CSMD1: variants seen among roughly 807,000 people sequenced by gnomAD.
CSMD1 encodes CUB and sushi domain-containing protein 1.
CSMD1 carries 213 observed loss-of-function variants against 417.5 expected under a neutral mutation model. The ratio of observed to expected loss-of-function variants is 0.51; its 90% CI spans 0.46 to 0.57. The LOEUF (loss-of-function observed/expected upper bound fraction) is 0.57. CSMD1 is among the 20% of genes least tolerant of loss of function. The probability of loss-of-function intolerance (pLI) is 0.00; values close to 1 mark genes in which losing one functional copy is unlikely to be tolerated. For synonymous variants in CSMD1, 2,862 were observed against 1,736.8 expected (o/e 1.65, Z -16.11); for missense variants, 6,923 against 4,529.7 (o/e 1.53, Z -15.17).
chr8:4,990,883 GGA>G (rs1811428049), intron 1 of CSMD1, among the ~76,000 whole-genome samples: 1 of 152,126 alleles, frequency 6.6e-6, no homozygotes, highest in African/African-American at 2.4e-5. Context: ...CTCTCGCGGT[GGA>G]GTTACAGGGT....
At chr8:4,747,080 C>T (rs1811006664) in intron 1 of CSMD1, among the ~76,000 whole-genome samples, 1 of 152,152 alleles carries the variant, frequency 6.6e-6, no homozygotes, top group Non-Finnish European at 1.5e-5. Flanking sequence ...GGGGCTAGAG[C>T]TGCCTGCACG....
intron 31 of CSMD1, among the ~76,000 whole-genome samples, chr8:3,201,996 A>G (rs551280046): frequency 6.6e-6 from 1 of 152,218 alleles, no homozygotes; most frequent in African/African-American, 2.4e-5. Context: ...TTTTGTTTTA[A>G]TAAACACAAC....
chr8:3,568,689 A>C (rs1023248586), intron 10 of CSMD1, among the ~76,000 whole-genome samples: 3 of 152,128 alleles, frequency 2.0e-5, no homozygotes, highest in Non-Finnish European at 4.4e-5. Context: ...TATACTGTAT[A>C]TGTGTATATA....
At chr8:4,508,338 T>G (rs1802642020) in intron 2 of CSMD1, among the ~76,000 whole-genome samples, 1 of 152,220 alleles carries the variant, frequency 6.6e-6, no homozygotes, top group South Asian at 2.1e-4. Flanking sequence ...AACTACAGGA[T>G]TGTATAAGAT....
intron 5 of CSMD1, among the ~76,000 whole-genome samples, chr8:3,909,937 G>T (rs886536135): frequency 1.1e-4 from 17 of 152,020 alleles, no homozygotes; most frequent in Non-Finnish European, 2.5e-4. Flanking sequence ...AGACAAGGAA[G>T]AAAAAATGGC....
chr8:4,195,507 G>T (rs1171375790), intron 3 of CSMD1, among the ~76,000 whole-genome samples: 1 of 152,198 alleles, frequency 6.6e-6, no homozygotes, highest in Non-Finnish European at 1.5e-5. Context: ...TCACATCTCT[G>T]TATGATCCCC....
At chr8:3,289,792 T>A (rs1803415660) in intron 25 of CSMD1, among the ~76,000 whole-genome samples, 1 of 147,408 alleles carries the variant, frequency 6.8e-6, no homozygotes, top group African/African-American at 2.7e-5. Flanking sequence ...TTCACTCTGA[T>A]GGTAGTTTCT....
At chr8:4,944,019 G>A (rs192097882) in intron 1 of CSMD1, among the ~76,000 whole-genome samples, 54 of 152,224 alleles carry the variant, frequency 3.5e-4, no homozygotes, top group Non-Finnish European at 7.1e-4. Flanking sequence ...AAAGACTTGG[G>A]AATCAAAATA....
chr8:4,408,996 T>A (rs1377961962), intron 3 of CSMD1, among the ~76,000 whole-genome samples: 1 of 152,172 alleles, frequency 6.6e-6, no homozygotes, highest in East Asian at 1.9e-4. Context: ...GCCGACTGAT[T>A]TAAGAACTCT....
intron 1 of CSMD1, among the ~76,000 whole-genome samples, chr8:4,754,507 G>A (rs982850291): frequency 6.6e-6 from 1 of 151,200 alleles, no homozygotes; most frequent in African/African-American, 2.4e-5. Flanking sequence ...TAGCATAAAT[G>A]CACTCCCAAA....
Position 4,011,106 on chromosome 8 carries a change from C to G in CSMD1, c.611-12996G>C, listed in dbSNP as rs561814940. Among the ~76,000 whole-genome samples the G allele has an allele frequency of 2.0e-5, 3 of 152,252 alleles. No individual in the cohort carries two copies. The South Asian group carries it at 6.2e-4, about 32-fold the overall frequency. On this transcript the variant is annotated intron_variant, in intron 4 of 69. Transcript: ENST00000635120. Reference sequence around the variant, plus strand: ...TTCCATTTCACAAAGAAAATAGAAGCAATGAAAGATAAATTATGTAATCTA... The same window carrying G: ...TTCCATTTCACAAAGAAAATAGAAGGAATGAAAGATAAATTATGTAATCTA...
chr8:4,051,652 G>C (rs1186890147), intron 3 of CSMD1, among the ~76,000 whole-genome samples: 2 of 152,092 alleles, frequency 1.3e-5, no homozygotes, highest in Admixed American at 6.5e-5. Flanking sequence ...TGATAAAATG[G>C]TGAGCAGGAT....
At chr8:3,731,576 T>A (rs7835312) in intron 6 of CSMD1, among the ~76,000 whole-genome samples, 1 of 152,098 alleles carries the variant, frequency 6.6e-6, no homozygotes, top group African/African-American at 2.4e-5. Flanking sequence ...GAATCTAAAA[T>A]AGGTTTTTGA....
intron 2 of CSMD1, among the ~76,000 whole-genome samples, chr8:4,636,210 A>T (rs1802803436): frequency 6.6e-6 from 1 of 152,138 alleles, no homozygotes; most frequent in African/African-American, 2.4e-5. Flanking sequence ...TTTGTTAGGA[A>T]AATCTGATTT....
chr8:3,087,340 T>C (rs1331698157), intron 48 of CSMD1, 55 bp from the exon 49 acceptor site: 2 of 1,529,870 alleles, frequency 1.3e-6, no homozygotes, highest in African/African-American at 2.7e-5. Context: ...AAATGGCCAG[T>C]GCCATTGCCT....
At chr8:3,232,520 C>G (rs533028503) in intron 26 of CSMD1, among the ~76,000 whole-genome samples, 19 of 152,178 alleles carry the variant, frequency 1.2e-4, no homozygotes, top group Middle Eastern at 3.4e-3. Context: ...TTTCTTTTTA[C>G]CCTTATATAA....
intron 55 of CSMD1, among the ~76,000 whole-genome samples, 167 bp from the exon 56 acceptor site, chr8:2,974,791 T>C (rs761915329): frequency 4.6e-5 from 7 of 152,228 alleles, no homozygotes; most frequent in Non-Finnish European, 8.8e-5. Flanking sequence ...CAGATGACAC[T>C]TCCTCCCCTA....
At chr8:4,696,520 A>G (rs1041473962) in intron 1 of CSMD1, among the ~76,000 whole-genome samples, 3 of 152,206 alleles carry the variant, frequency 2.0e-5, no homozygotes, top group African/African-American at 4.8e-5. Context: ...GGTCTTAAAC[A>G]TTATCCTACC....
chr8:3,399,559 T>G (rs1323515426), intron 15 of CSMD1, 30 bp from the exon 16 acceptor site: 3 of 1,539,132 alleles, frequency 1.9e-6, no homozygotes, highest in South Asian at 2.6e-5. Flanking sequence ...ATCTATTAGA[T>G]CCAATGAGAC....
Sources: gnomAD v4.1 joint callset for allele counts (sites outside exome capture counted in the v4.1 genomes callset) on GRCh38, gnomAD v4.1.1 for gene constraint, MANE v1.5 for transcripts, NCBI Gene and HGNC (gene_info 2026-07-23, HGNC 2026-07-21) for gene names.